Variants in TBC1D22A observed in about 807,000 individuals in gnomAD.
TBC1D22A encodes TBC1 domain family member 22A.
In TBC1D22A, 38 loss-of-function variants were observed where a neutral mutation model predicts 60.2. The observed-to-expected ratio is 0.63, with a 90% CI of 0.49 to 0.83. The LOEUF is 0.83. Among genes scored for constraint, TBC1D22A ranks in the 40% least tolerant of loss-of-function variants. The probability of loss-of-function intolerance (pLI) is 0.00; values close to 1 mark genes in which losing one functional copy is unlikely to be tolerated. For missense variants in TBC1D22A, 628 were observed against 701.0 expected, an observed-to-expected ratio of 0.90 and a Z score of 1.18; for synonymous variants, 302 against 281.7, an observed-to-expected ratio of 1.07 and a Z score of -0.72.
At chr22:47,087,716 C>T (rs2064754405) in intron 11 of TBC1D22A, among the ~76,000 whole-genome samples, 1 of 152,082 alleles carries the variant, frequency 6.6e-6, no homozygotes, top group Non-Finnish European at 1.5e-5. Flanking sequence ...CTAACAAATT[C>T]TAACATAAAA....
At chr22:46,880,745 C>T (rs555585810) in intron 5 of TBC1D22A, among the ~76,000 whole-genome samples, 51 of 152,076 alleles carry the variant, frequency 3.4e-4, no homozygotes, top group Non-Finnish European at 5.7e-4. Context: ...GGGGACTTCA[C>T]ACCTGGGATC....
intron 1 of TBC1D22A, among the ~76,000 whole-genome samples, chr22:46,769,072 C>T (rs1002823076): frequency 6.5e-5 from 8 of 122,914 alleles, no homozygotes; most frequent in South Asian, 2.5e-4. Context: ...CTAGCCTGGG[C>T]GACAGGGCAA....
chr22:47,131,073 G>A lies in TBC1D22A; in HGVS notation c.1425+19470G>A, dbSNP rs559619833. ...GGGTGCCACGCTCTTTACACCACCA[G>A]CTCTGTCCTGAACTAACAGAGCAAG... On this transcript the variant is annotated intron_variant, in intron 12 of 12. Transcript: ENST00000337137. 2.0e-5 allele frequency among the ~76,000 whole-genome samples: 3 copies of A among 152,314 alleles called. No homozygotes were observed. The South Asian group carries it at 6.2e-4, about 32-fold the overall frequency.
chr22:46,782,438 G>T (rs2083980103), intron 1 of TBC1D22A, among the ~76,000 whole-genome samples: 1 of 152,208 alleles, frequency 6.6e-6, no homozygotes, highest in African/African-American at 2.4e-5. Flanking sequence ...GCCTTCCTGG[G>T]ACACAATGGG....
chr22:46,845,399 C>G (rs943785048), intron 4 of TBC1D22A, among the ~76,000 whole-genome samples: 1 of 152,320 alleles, frequency 6.6e-6, no homozygotes, highest in East Asian at 1.9e-4. Context: ...AAGCACCTAA[C>G]AGAGCTATTA....
chr22:46,970,071 C>T (rs569348501), intron 8 of TBC1D22A, among the ~76,000 whole-genome samples: 9 of 152,240 alleles, frequency 5.9e-5, no homozygotes, highest in Admixed American at 2.0e-4. Flanking sequence ...CATCTCCCCT[C>T]GCCCTCCCCA....
Position 46,958,432 on chromosome 22 carries a change from G to A in TBC1D22A, c.1016-15858G>A, listed in dbSNP as rs553140759. ...ACCATCAGTCGTTACATTGGGATGGGACAGGGGGCTCGGCATATGCATGTG... is the reference window on the plus strand; with the variant it reads ...ACCATCAGTCGTTACATTGGGATGGAACAGGGGGCTCGGCATATGCATGTG... On this transcript the variant is annotated intron_variant, in intron 8 of 12. Coordinates refer to ENST00000337137, the MANE Select transcript of TBC1D22A (RefSeq NM_014346.5). 2.1e-4 allele frequency among the ~76,000 whole-genome samples: 32 copies of A among 152,330 alleles called. 1 individual carries two copies. In the South Asian group the frequency reaches 6.4e-3, roughly 31 times the overall value.
intron 12 of TBC1D22A, among the ~76,000 whole-genome samples, chr22:47,148,794 TC>T (rs1198262123): frequency 6.6e-6 from 1 of 152,126 alleles, no homozygotes; most frequent in African/African-American, 2.4e-5. Flanking sequence ...TGGGTTCCTC[TC>T]CTGGGGTCTT....
At chr22:46,842,801 C>T (rs1569118062) in intron 4 of TBC1D22A, among the ~76,000 whole-genome samples, 4 of 152,322 alleles carry the variant, frequency 2.6e-5, no homozygotes, top group South Asian at 2.1e-4. Context: ...AGGGCTTTGG[C>T]GCCCTGACAG....
intron 12 of TBC1D22A, among the ~76,000 whole-genome samples, chr22:47,160,629 G>C (rs978152478): frequency 1.3e-5 from 2 of 152,198 alleles, no homozygotes; most frequent in Admixed American, 1.3e-4. Flanking sequence ...AGGGGTCTTC[G>C]CTGGAGCCGT....
At chr22:46,858,946 C>T (rs147939467) in intron 4 of TBC1D22A, among the ~76,000 whole-genome samples, 249 of 151,686 alleles carry the variant, frequency 1.6e-3, no homozygotes, top group African/African-American at 5.9e-3. Context: ...CACATGCCCA[C>T]GCGCAGACCA....
chr22:46,842,755 C>G (rs1015949173), intron 4 of TBC1D22A, among the ~76,000 whole-genome samples: 4 of 152,246 alleles, frequency 2.6e-5, no homozygotes, highest in Admixed American at 2.6e-4. Flanking sequence ...TGTAGCCACG[C>G]CCAGCGGGCA....
At chr22:47,045,235 C>T (rs376832123) in intron 11 of TBC1D22A, among the ~76,000 whole-genome samples, 102 of 152,350 alleles carry the variant, frequency 6.7e-4, no homozygotes, top group African/African-American at 2.4e-3. Context: ...CCTGGCTGCA[C>T]ACGCGGCTGT....
At chr22:46,866,063 A>G (rs2067037149) in intron 4 of TBC1D22A, among the ~76,000 whole-genome samples, 1 of 152,114 alleles carries the variant, frequency 6.6e-6, no homozygotes, top group African/African-American at 2.4e-5. Context: ...AAAATTAAAA[A>G]CCAGTGCATA....
intron 12 of TBC1D22A, among the ~76,000 whole-genome samples, chr22:47,144,227 G>A (rs1216139758): frequency 2.6e-5 from 4 of 152,222 alleles, no homozygotes; most frequent in African/African-American, 7.2e-5. Context: ...TGTCAGAGCC[G>A]TGCACTTGGG....
chr22:46,994,501 G>C (rs2075053175), intron 9 of TBC1D22A, among the ~76,000 whole-genome samples: 1 of 152,006 alleles, frequency 6.6e-6, no homozygotes, highest in African/African-American at 2.4e-5. Flanking sequence ...AGGTCTGTCT[G>C]TTATTCACAT....
chr22:46,797,619 T>G lies in TBC1D22A; in HGVS notation c.636T>G (p.Leu212=), dbSNP rs761023297. ...KQLLAGPNTD[L]EELRRLSWSG... ...TGCTTGCCGGCCCCAACACGGACCT[T>G]GGTAAGCACCCTGCCCTCTGGAGGA... Residue 212 remains leucine, a splice_region_variant and synonymous_variant, in exon 4 of 13, where the codon CTT becomes CTG. Transcript: ENST00000337137. 3.1e-6 allele frequency: 5 copies of G among 1,603,350 alleles called. No individual in the cohort carries two copies. Among genetic ancestry groups the G allele is most frequent in the Non-Finnish European group, 4.3e-6 (5 of 1,173,578 alleles).
chr22:46,791,692 TG>T (rs2084417179), intron 1 of TBC1D22A, among the ~76,000 whole-genome samples: 1 of 152,008 alleles, frequency 6.6e-6, no homozygotes, highest in Admixed American at 6.5e-5. Context: ...GTCTGCCACG[TG>T]GGGTATTTCA....
chr22:46,789,544 A>T (rs1304682814), intron 1 of TBC1D22A: 1 of 177,354 alleles, frequency 5.6e-6, no homozygotes, highest in Non-Finnish European at 1.3e-5. Flanking sequence ...GCCCTGTCCG[A>T]GAGTCAGTAT....
Sources: allele counts gnomAD v4.1 joint callset (sites outside exome capture counted in the v4.1 genomes callset), GRCh38; gene constraint gnomAD v4.1.1; transcripts MANE v1.5; gene names NCBI Gene and HGNC (gene_info 2026-07-23, HGNC 2026-07-21).